Variants in FBXL7 observed in about 807,000 individuals in gnomAD.
The protein encoded by FBXL7 is F-box/LRR-repeat protein 7.
A neutral mutation model predicts 38.3 loss-of-function variants in FBXL7; 12 were observed. That is an observed-to-expected ratio of 0.31 (90% CI 0.20 to 0.51). FBXL7 has a LOEUF of 0.51. FBXL7 is among the 20% of genes least tolerant of loss of function. The pLI is 0.98. For missense variants in FBXL7, 567 were observed against 676.4 expected, an observed-to-expected ratio of 0.84 and a Z score of 1.79; for synonymous variants, 297 against 300.9, an observed-to-expected ratio of 0.99 and a Z score of 0.13.
intron 1 of FBXL7, among the ~76,000 whole-genome samples, chr5:15,599,669 C>T (rs530123941): frequency 7.2e-5 from 11 of 152,242 alleles, no homozygotes; most frequent in East Asian, 1.9e-4. Context: ...TGTTGAGAAG[C>T]ATTAAGGTAG....
In FBXL7 at chr5:15,806,713, G is replaced by A. The variant is rs566234945; in HGVS notation, c.128-121177G>A. ...CCAGCAGAGGGCAGTGGGATAGACTGGCCCAATCAGGGACTGATGAATGCG... is the reference window on the plus strand; with the variant it reads ...CCAGCAGAGGGCAGTGGGATAGACTAGCCCAATCAGGGACTGATGAATGCG... On this transcript the variant is annotated intron_variant, in intron 2 of 3. Transcript: ENST00000504595. 2.0e-5 allele frequency among the ~76,000 whole-genome samples: 3 copies of A among 152,248 alleles called. No individual in the cohort carries two copies. The South Asian group carries it at 6.2e-4, about 32-fold the overall frequency.
At chr5:15,920,887 C>G (rs1486434943) in intron 2 of FBXL7, among the ~76,000 whole-genome samples, 1 of 152,054 alleles carries the variant, frequency 6.6e-6, no homozygotes, top group African/African-American at 2.4e-5. Context: ...ACAGTTAAAT[C>G]ACAAAATACA....
At chr5:15,828,898 T>C (rs1215102219) in intron 2 of FBXL7, among the ~76,000 whole-genome samples, 2 of 152,206 alleles carry the variant, frequency 1.3e-5, no homozygotes, top group Middle Eastern at 3.2e-3. Context: ...GAGAAACAGA[T>C]TGAAGACAGG....
intron 2 of FBXL7, among the ~76,000 whole-genome samples, chr5:15,651,082 A>G (rs1228853872): frequency 1.3e-5 from 2 of 149,424 alleles, no homozygotes; most frequent in African/African-American, 2.5e-5. Flanking sequence ...CTTACAAAAC[A>G]TACTTCTTTT....
chr5:15,639,318 T>G (rs1741281953), intron 2 of FBXL7, among the ~76,000 whole-genome samples: 1 of 152,172 alleles, frequency 6.6e-6, no homozygotes, highest in African/African-American at 2.4e-5. Flanking sequence ...ATCTTGTAGC[T>G]CCCATGATTC....
At chr5:15,887,502 A>G (rs988701687) in intron 2 of FBXL7, among the ~76,000 whole-genome samples, 2 of 152,360 alleles carry the variant, frequency 1.3e-5, no homozygotes, top group East Asian at 3.9e-4. Context: ...AGTCTGAGAA[A>G]GCACCATAAC....
At chr5:15,724,679 T>G (rs1178540723) in intron 2 of FBXL7, among the ~76,000 whole-genome samples, 1 of 152,248 alleles carries the variant, frequency 6.6e-6, no homozygotes, top group Non-Finnish European at 1.5e-5. Context: ...TCTGGTGATT[T>G]ATAACATTTT....
chr5:15,841,453 T>C (rs7707705), intron 2 of FBXL7, among the ~76,000 whole-genome samples: 1 of 152,176 alleles, frequency 6.6e-6, no homozygotes, highest in Admixed American at 6.5e-5. Context: ...TTGTTGAATC[T>C]TTCAGCAGAA....
chr5:15,934,840 GACAGCAGTGA>G (rs1302662755), intron 3 of FBXL7, among the ~76,000 whole-genome samples: 1 of 152,130 alleles, frequency 6.6e-6, no homozygotes, highest in Non-Finnish European at 1.5e-5. Flanking sequence ...CCAGAAATGA[GACAGCAGTGA>G]ACAGCCCCAA....
At chr5:15,591,078 G>T (rs1739458149) in intron 1 of FBXL7, among the ~76,000 whole-genome samples, 1 of 152,074 alleles carries the variant, frequency 6.6e-6, no homozygotes, top group Non-Finnish European at 1.5e-5. Context: ...AGACTTGAAT[G>T]ATTACAATTC....
rs1465657697 is a variant in FBXL7 at position 15,936,883 on chromosome 5, C to T, written c.1173C>T (p.Asp391=). ...LNARGCEGIT[D]HGVEYLAKNC... Reference sequence around the variant, plus strand: ...CGAGGGGCTGCGAGGGCATCACGGACCACGGTGTGGAGTACCTCGCCAAGA... The same window carrying T: ...CGAGGGGCTGCGAGGGCATCACGGATCACGGTGTGGAGTACCTCGCCAAGA... The change falls in exon 4 of 4, where the codon GAC becomes GAT. Residue 391 remains aspartate, a synonymous_variant. Transcript: ENST00000504595. This position sits in a 1 kb window ranked among gnomAD's most constrained non-coding sequence, Gnocchi z 6.0. 1.9e-6 allele frequency: 3 copies of T among 1,614,020 alleles called. No individual in the cohort carries two copies. The highest frequency in any genetic ancestry group is 2.5e-6 in the Non-Finnish European group (3 of 1,179,870).
At chr5:15,935,578 T>C (rs1307129873) in intron 3 of FBXL7, among the ~76,000 whole-genome samples, 1 of 151,836 alleles carries the variant, frequency 6.6e-6, no homozygotes, top group African/African-American at 2.4e-5. Context: ...CCAAGACGCC[T>C]CTGGCAAATA....
chr5:15,544,134 A>G (rs1737836060), intron 1 of FBXL7, among the ~76,000 whole-genome samples: 1 of 152,202 alleles, frequency 6.6e-6, no homozygotes, highest in Admixed American at 6.5e-5. Flanking sequence ...CCGATGGGGT[A>G]GCCCTGCTCT....
chr5:15,658,226 C>G (rs997921986), intron 2 of FBXL7, among the ~76,000 whole-genome samples: 2 of 152,134 alleles, frequency 1.3e-5, no homozygotes, highest in African/African-American at 4.8e-5. Flanking sequence ...GAGTGCTTCT[C>G]CTTGAAACTT....
chr5:15,736,714 T>C (rs1735760489), intron 2 of FBXL7, among the ~76,000 whole-genome samples: 1 of 152,224 alleles, frequency 6.6e-6, no homozygotes, highest in Non-Finnish European at 1.5e-5. Flanking sequence ...CCATTCCTTT[T>C]GTCTTCCTCC....
intron 2 of FBXL7, among the ~76,000 whole-genome samples, chr5:15,651,957 C>T (rs1213621181): frequency 2.0e-5 from 3 of 152,236 alleles, no homozygotes; most frequent in African/African-American, 7.2e-5. Context: ...TTTACTGCAG[C>T]TTCTACAACA....
intron 2 of FBXL7, among the ~76,000 whole-genome samples, chr5:15,745,843 G>A (rs570331065): frequency 6.6e-6 from 1 of 152,204 alleles, no homozygotes; most frequent in African/African-American, 2.4e-5. Context: ...ATCCATTGGA[G>A]AGTTTAAAGC....
At chr5:15,535,473 G>A (rs148142836) in intron 1 of FBXL7, among the ~76,000 whole-genome samples, 161 of 152,286 alleles carry the variant, frequency 1.1e-3, no homozygotes, top group African/African-American at 3.8e-3. Context: ...ATGGAGATGA[G>A]GAACTTATTG....
chr5:15,679,304 G>A (rs1231814089), intron 2 of FBXL7, among the ~76,000 whole-genome samples: 3 of 152,190 alleles, frequency 2.0e-5, no homozygotes. Context: ...GTTTTACTCA[G>A]TGCTGATAAA....
Sources: allele counts gnomAD v4.1 joint callset (sites outside exome capture counted in the v4.1 genomes callset), GRCh38; gene constraint gnomAD v4.1.1; non-coding constraint Gnocchi (gnomAD v3.1); transcripts MANE v1.5; gene names NCBI Gene and HGNC (gene_info 2026-07-23, HGNC 2026-07-21).